C19orf12: variants seen among roughly 807,000 people sequenced by gnomAD.
C19orf12 encodes chromosome 19 open reading frame 12.
In C19orf12, 2 loss-of-function variants were observed where a neutral mutation model predicts 3.8. The observed-to-expected ratio is 0.53, with a 90% CI of 0.22 to 1.66. The LOEUF (loss-of-function observed/expected upper bound fraction) is 1.66, where lower values mean the gene tolerates loss of function less well. Ranked by LOEUF, C19orf12 falls within the 40% of genes most tolerant of loss-of-function variation. C19orf12 has a pLI of 0.20. For synonymous variants in C19orf12, 89 were observed against 84.6 expected (o/e 1.05, Z -0.28); for missense variants, 156 against 188.8 (o/e 0.83, Z 1.02).
intron 1 of C19orf12, chr19:29,714,857 G>T: frequency 3.5e-6 from 2 of 565,064 alleles, no homozygotes; most frequent in Non-Finnish European, 6.8e-6. Context: ...GCCACTCCTG[G>T]GTGACAGCGA....
Position 29,702,898 on chromosome 19 carries a change from C to T in C19orf12, c.240G>A (p.Leu80=), listed in dbSNP as rs766024250. ...FKPVPQILME[L]PPAEQQRLFN... is the part of the protein sequence containing the mutation. ...AGAGCCTCTGTTGCTCGGCAGGGGG[C>T]AGCTCCATTAGGATCTGAGGAACCG... The change falls in exon 3 of 3, where the codon CTG becomes CTA. Residue 80 remains leucine, a synonymous_variant. Transcript: ENST00000323670. 6.2e-7 allele frequency: 1 copy of T among 1,614,200 alleles called. No homozygotes were observed. Among genetic ancestry groups the T allele is most frequent in the Non-Finnish European group, 8.5e-7 (1 of 1,180,026 alleles).
intron 1 of C19orf12, among the ~76,000 whole-genome samples, chr19:29,713,321 G>A (rs1972781566): frequency 2.6e-5 from 4 of 152,082 alleles, no homozygotes; most frequent in Admixed American, 2.6e-4. Flanking sequence ...CTTGATCACA[G>A]GAAGCCCATC....
chr19:29,707,297 C>T (rs528214631), intron 2 of C19orf12, among the ~76,000 whole-genome samples: 11 of 152,256 alleles, frequency 7.2e-5, no homozygotes, highest in Middle Eastern at 3.4e-3. Context: ...GCAGTGGTTG[C>T]GGTGAGCCGA....
chr19:29,701,712 G>C lies in C19orf12; in HGVS notation c.*1000C>G. On this transcript the variant is annotated 3_prime_UTR_variant, in exon 3 of 3. Transcript: ENST00000323670. ...ACTGTGTTTTTTTTTTAAATTGAAGGTTTGTAGCAGCCTGGCATCAGGCAA... is the reference window on the plus strand; with the variant it reads ...ACTGTGTTTTTTTTTTAAATTGAAGCTTTGTAGCAGCCTGGCATCAGGCAA... The C allele has an allele frequency of 2.2e-6, 1 of 452,032 alleles. No homozygotes were observed. Among genetic ancestry groups the C allele is most frequent in the Non-Finnish European group, 4.4e-6 (1 of 225,830 alleles). 28.0% of individuals were successfully genotyped at this position (452,032 alleles called of 1,614,324 possible).
At chr19:29,715,452 G>A (rs1024954035), upstream of C19orf12, 3 of 401,680 alleles carry the variant, frequency 7.5e-6, no homozygotes, top group African/African-American at 2.2e-5. Flanking sequence ...GGTGGCGTAA[G>A]GAGACGAGGC....
At chr19:29,712,484 G>A (rs1972732848) in intron 1 of C19orf12, among the ~76,000 whole-genome samples, 1 of 152,028 alleles carries the variant, frequency 6.6e-6, no homozygotes, top group Non-Finnish European at 1.5e-5. Context: ...GACCAGGCAT[G>A]TCTACCTTGG....
At chr19:29,713,915 T>C (rs1381441636) in intron 1 of C19orf12, among the ~76,000 whole-genome samples, 2 of 151,650 alleles carry the variant, frequency 1.3e-5, no homozygotes, top group African/African-American at 4.9e-5. Flanking sequence ...ACAGATCACT[T>C]CAAAGCTTCT....
At chr19:29,713,484 G>A (rs1034805808) in intron 1 of C19orf12, among the ~76,000 whole-genome samples, 1 of 151,818 alleles carries the variant, frequency 6.6e-6, no homozygotes, top group Non-Finnish European at 1.5e-5. Context: ...AGAGATAAGG[G>A]AGAGGAAGGC....
At chr19:29,708,709 C>T (rs1356109341) in intron 1 of C19orf12, 4 of 461,622 alleles carry the variant, frequency 8.7e-6, no homozygotes, top group Non-Finnish European at 1.6e-5. Flanking sequence ...AACCCGGCCA[C>T]ATGTTCTGCT....
At position 29,702,277 on chromosome 19, in the gene C19orf12, G is replaced by A. The variant is rs1462076518; in HGVS notation, c.*435C>T. The A allele has an allele frequency of 2.2e-6, 1 of 457,734 alleles. No homozygotes were observed. Among genetic ancestry groups the A allele is most frequent in the Non-Finnish European group, 4.4e-6 (1 of 229,510 alleles). 28.4% of individuals were successfully genotyped at this position (457,734 alleles called of 1,614,324 possible). On this transcript the variant is annotated 3_prime_UTR_variant, in exon 3 of 3. Coordinates refer to ENST00000323670, the MANE Select transcript of C19orf12 (RefSeq NM_031448.6). Reference sequence around the variant, plus strand: ...CCCTGAGACCCCAGGACCTGCAGGGGGGTGGGATCCAGTCCTGCAGCAGGT... The same window carrying A: ...CCCTGAGACCCCAGGACCTGCAGGGAGGTGGGATCCAGTCCTGCAGCAGGT...
At position 29,713,214 on chromosome 19, in the gene C19orf12, G is replaced by A. The variant is rs140965538; in HGVS notation, c.-11+1911C>T. On this transcript the variant is annotated intron_variant, in intron 1 of 2. Coordinates refer to ENST00000323670, the MANE Select transcript of C19orf12 (RefSeq NM_031448.6). ...TAAATGACAGGGAAGTGGGTGAGGA[G>A]GGAGGATGGGGACAGACCTTAGGGG... Among the ~76,000 whole-genome samples the A allele has an allele frequency of 2.2e-3, 340 of 152,132 alleles. 1 individual carries two copies. Among genetic ancestry groups the A allele is most frequent in the African/African-American group, 7.8e-3 (325 of 41,538 alleles).
chr19:29,700,039 C>A lies in C19orf12; in HGVS notation c.*2673G>T, dbSNP rs1971994342. 2.2e-6 allele frequency: 1 copy of A among 453,932 alleles called. No homozygotes were observed. Among genetic ancestry groups the A allele is most frequent in the Admixed American group, 2.4e-5 (1 of 42,532 alleles). 28.1% of individuals were successfully genotyped at this position (453,932 alleles called of 1,614,324 possible). A position where few individuals can be genotyped will look rare whatever the true frequency, so the allele number is the denominator to read the frequency against. On this transcript the variant is annotated 3_prime_UTR_variant, in exon 3 of 3. Transcript: ENST00000323670. ...GTTCCAGTGTCTTCACTCAGCAAGG[C>A]CTGCTCCATCGGACACAAAACTGAT...
Position 29,700,815 on chromosome 19 carries a change from T to C in C19orf12, c.*1897A>G, listed in dbSNP as rs528651591. 2 of 454,114 alleles carry C rather than the reference T, an allele frequency of 4.4e-6. No homozygotes were observed. The highest frequency in any genetic ancestry group is 4.7e-5 in the Admixed American group (2 of 42,576). The allele number at this position is 454,114 out of a possible 1,614,324, so 28.1% of individuals were successfully genotyped here. ...TACACACATGGAGGTGCCAGGATACTGAGCTTTCCTATAAGCAGGGCCTCA... is the reference window on the plus strand; with the variant it reads ...TACACACATGGAGGTGCCAGGATACCGAGCTTTCCTATAAGCAGGGCCTCA... On this transcript the variant is annotated 3_prime_UTR_variant, in exon 3 of 3. Coordinates refer to ENST00000323670, the MANE Select transcript of C19orf12 (RefSeq NM_031448.6).
intron 2 of C19orf12, among the ~76,000 whole-genome samples, chr19:29,705,861 T>C (rs1234909351): frequency 2.0e-5 from 3 of 152,206 alleles, no homozygotes; most frequent in Non-Finnish European, 4.4e-5. Flanking sequence ...ATGTGATCGC[T>C]AGGAGAACCG....
chr19:29,707,685 A>G (rs1036362997), intron 2 of C19orf12, among the ~76,000 whole-genome samples: 4 of 152,124 alleles, frequency 2.6e-5, no homozygotes, highest in African/African-American at 9.7e-5. Flanking sequence ...CACAGATGCC[A>G]TTTACAAGAG....
Position 29,702,391 on chromosome 19 carries a change from C to T in C19orf12, c.*321G>A, listed in dbSNP as rs544698828. 1.1e-5 allele frequency: 6 copies of T among 556,568 alleles called. No homozygotes were observed. The highest frequency in any genetic ancestry group is 5.6e-5 in the African/African-American group (3 of 53,890). The allele number at this position is 556,568 out of a possible 1,614,324, so 34.5% of individuals were successfully genotyped here. On this transcript the variant is annotated 3_prime_UTR_variant, in exon 3 of 3. Coordinates refer to ENST00000323670, the MANE Select transcript of C19orf12 (RefSeq NM_031448.6). Reference sequence around the variant, plus strand: ...ACCGTCGGCTGAGCGTGATCACTTCCCCAGACCCATGCGGGTGAGAGGACT... The same window carrying T: ...ACCGTCGGCTGAGCGTGATCACTTCTCCAGACCCATGCGGGTGAGAGGACT...
Position 29,700,629 on chromosome 19 carries a change from G to A in C19orf12, c.*2083C>T, listed in dbSNP as rs1360795660. On this transcript the variant is annotated 3_prime_UTR_variant, in exon 3 of 3. Transcript: ENST00000323670. ...GCCCTGTCCCCCATCAACTTAAGTGGCATATAAATGATTAAAGTGGCTTCA... is the reference window on the plus strand; with the variant it reads ...GCCCTGTCCCCCATCAACTTAAGTGACATATAAATGATTAAAGTGGCTTCA... The A allele has an allele frequency of 2.2e-6, 1 of 454,042 alleles. No individual in the cohort carries two copies. The highest frequency in any genetic ancestry group is 4.4e-6 in the Non-Finnish European group (1 of 226,786). The allele number at this position is 454,042 out of a possible 1,614,324, so 28.1% of individuals were successfully genotyped here. A position where few individuals can be genotyped will look rare whatever the true frequency, so the allele number is the denominator to read the frequency against.
At chr19:29,715,532 G>C, upstream of C19orf12, 1 of 287,152 alleles carries the variant, frequency 3.5e-6, no homozygotes, top group Non-Finnish European at 7.3e-6. Flanking sequence ...TCTCCCACGC[G>C]CACGCATGAT....
At chr19:29,711,746 T>C (rs1225161214) in intron 1 of C19orf12, among the ~76,000 whole-genome samples, 2 of 152,132 alleles carry the variant, frequency 1.3e-5, no homozygotes, top group African/African-American at 4.8e-5. Flanking sequence ...AACAGATACA[T>C]AACCACTTTA....
Sources: gnomAD v4.1 joint callset for allele counts (sites outside exome capture counted in the v4.1 genomes callset) on GRCh38, gnomAD v4.1.1 for gene constraint, MANE v1.5 for transcripts, NCBI Gene and HGNC (gene_info 2026-07-23, HGNC 2026-07-21) for gene names.